Variants in PLA2R1 observed in about 807,000 individuals in gnomAD.
PLA2R1 encodes secretory phospholipase A2 receptor.
In PLA2R1, 158 loss-of-function variants were observed where a neutral mutation model predicts 195.9. That is an observed-to-expected ratio of 0.81 (90% CI 0.71 to 0.92). The LOEUF is 0.92. PLA2R1 is among the 40% of genes least tolerant of loss of function. The pLI, the probability that PLA2R1 is intolerant of heterozygous loss-of-function variation, is 0.00. For missense variants in PLA2R1, 1,626 were observed against 1,764.6 expected, an observed-to-expected ratio of 0.92 and a Z score of 1.41; for synonymous variants, 586 against 598.2, an observed-to-expected ratio of 0.98 and a Z score of 0.30.
At chr2:159,948,148 C>T (rs891886306) in intron 25 of PLA2R1, among the ~76,000 whole-genome samples, 7 of 152,164 alleles carry the variant, frequency 4.6e-5, no homozygotes, top group African/African-American at 1.2e-4. Context: ...TTACTAGCTG[C>T]GTGACCATGG....
chr2:160,019,479 T>C (rs115073910), intron 8 of PLA2R1, among the ~76,000 whole-genome samples: 2,300 of 152,336 alleles, frequency 0.015, 64 homozygotes, highest in African/African-American at 0.052. Flanking sequence ...TCACAGTCAC[T>C]ACCCTAAGTC....
chr2:159,982,433 C>A (rs1289989435), intron 13 of PLA2R1, among the ~76,000 whole-genome samples: 4 of 152,200 alleles, frequency 2.6e-5, no homozygotes, highest in Non-Finnish European at 5.9e-5. Flanking sequence ...CCCGTAGGGA[C>A]TAGCAGTTCT....
chr2:159,977,054 A>G (rs984586787), intron 15 of PLA2R1, among the ~76,000 whole-genome samples: 6 of 152,252 alleles, frequency 3.9e-5, no homozygotes, highest in Admixed American at 1.3e-4. Context: ...TACTTGCACT[A>G]TAAATATTCT....
At chr2:160,043,827 C>A (rs1301089794) in intron 2 of PLA2R1, among the ~76,000 whole-genome samples, 2 of 152,164 alleles carry the variant, frequency 1.3e-5, no homozygotes, top group East Asian at 1.9e-4. Context: ...TCTTTTTAAT[C>A]ATTTCTTCTT....
intron 11 of PLA2R1, among the ~76,000 whole-genome samples, chr2:159,997,791 G>C (rs1479261448): frequency 6.6e-6 from 1 of 152,036 alleles, no homozygotes. Flanking sequence ...GGCAGCAGTG[G>C]TTTGCCTTGC....
At position 160,022,869 on chromosome 2, in the gene PLA2R1, C is replaced by A. The variant is rs1454142074; in HGVS notation, c.1100-10G>T. On this transcript the variant is annotated splice_polypyrimidine_tract_variant and intron_variant, in intron 6 of 29. Coordinates refer to ENST00000283243, the MANE Select transcript of PLA2R1 (RefSeq NM_007366.5). ...TTCCACGCATCTTTTTCTTTTTAAA[C>A]CAACAAAAAACAATGTCATTTTCCA... 3 of 1,553,324 alleles carry A rather than the reference C, an allele frequency of 1.9e-6. No homozygotes were observed. Among genetic ancestry groups the A allele is most frequent in the African/African-American group, 1.4e-5 (1 of 72,658 alleles).
chr2:159,976,565 T>C lies in PLA2R1; in HGVS notation c.2437+120A>G, dbSNP rs1263349728. 3 of 690,568 alleles carry C rather than the reference T, an allele frequency of 4.3e-6. No individual in the cohort carries two copies. The East Asian group carries it at 8.1e-5, about 19-fold the overall frequency. The allele number at this position is 690,568 out of a possible 1,614,324, so 42.8% of individuals were successfully genotyped here. On this transcript the variant is annotated intron_variant, in intron 16 of 29. Transcript: ENST00000283243. ...TAATTTGAACAAATTAGCTCTAGGT[T>C]GACACAAGAAAAGAGAGGCTCGATT...
Position 160,033,825 on chromosome 2 carries a change from T to A in PLA2R1, c.668-693A>T, listed in dbSNP as rs1694003067. On this transcript the variant is annotated intron_variant, in intron 3 of 29. Transcript: ENST00000283243. ...TGAGTTTGGGTGCTTTTGCTAACATTTAAAATCAAACTCCAAGGTGAACTA... is the reference window on the plus strand; with the variant it reads ...TGAGTTTGGGTGCTTTTGCTAACATATAAAATCAAACTCCAAGGTGAACTA... Among the ~76,000 whole-genome samples the A allele has an allele frequency of 1.3e-5, 2 of 152,130 alleles. 1 individual carries two copies. The highest frequency in any genetic ancestry group is 4.1e-4 in the South Asian group (2 of 4,824).
chr2:159,947,756 T>A (rs1417018926), intron 25 of PLA2R1, among the ~76,000 whole-genome samples, 197 bp from the exon 26 acceptor site: 4 of 152,234 alleles, frequency 2.6e-5, no homozygotes, highest in Non-Finnish European at 5.9e-5. Flanking sequence ...AGAAATAATC[T>A]TTACCTAAAC....
intron 7 of PLA2R1, among the ~76,000 whole-genome samples, chr2:160,022,240 C>T (rs945307267): frequency 2.0e-5 from 3 of 152,070 alleles, no homozygotes; most frequent in Non-Finnish European, 4.4e-5. Flanking sequence ...CTGAACATCA[C>T]CTCACCAAAT....
At chr2:160,051,596 C>A (rs965845732) in intron 1 of PLA2R1, among the ~76,000 whole-genome samples, 3 of 152,212 alleles carry the variant, frequency 2.0e-5, no homozygotes, top group Non-Finnish European at 4.4e-5. Flanking sequence ...TCTGTTCCAT[C>A]TAGTGAACAA....
intron 19 of PLA2R1, among the ~76,000 whole-genome samples, chr2:159,968,762 T>C (rs1688949037): frequency 6.6e-6 from 1 of 152,284 alleles, no homozygotes; most frequent in South Asian, 2.1e-4. Context: ...TAAATCCAAC[T>C]TGCAAACAGT....
At chr2:159,924,810 C>G in the PLA2R1 span, among the ~76,000 whole-genome samples, 1 of 151,010 alleles carries the variant, frequency 6.6e-6, no homozygotes, top group Non-Finnish European at 1.5e-5. Flanking sequence ...GTTCTTTTTT[C>G]GCTCCCAGGA....
At chr2:159,925,919 GTC>G in the PLA2R1 span, among the ~76,000 whole-genome samples, 2 of 152,142 alleles carry the variant, frequency 1.3e-5, no homozygotes, top group Admixed American at 1.3e-4. Flanking sequence ...CAAAATGCCC[GTC>G]TCTGTTTTGT....
Position 159,939,813 on chromosome 2 carries a change from A to G in PLA2R1, c.*1965T>C, listed in dbSNP as rs2125911973. Reference sequence around the variant, plus strand: ...AGTTTTTACCAAGTCCATTGAAAAGAACAGAACTTTAATTCCACTCAAAAG... The same window carrying G: ...AGTTTTTACCAAGTCCATTGAAAAGGACAGAACTTTAATTCCACTCAAAAG... On this transcript the variant is annotated 3_prime_UTR_variant, in exon 30 of 30. Transcript: ENST00000283243. 6.6e-6 allele frequency: 1 copy of G among 152,346 alleles called. No homozygotes were observed. The highest frequency in any genetic ancestry group is 2.1e-4 in the South Asian group (1 of 4,830). 9.4% of individuals were successfully genotyped at this position (152,346 alleles called of 1,614,324 possible).
chr2:159,995,858 T>C (rs1162299732), intron 11 of PLA2R1, among the ~76,000 whole-genome samples: 1 of 152,032 alleles, frequency 6.6e-6, no homozygotes, highest in African/African-American at 2.4e-5. Flanking sequence ...ACTATAGACA[T>C]CCTACACCAC....
chr2:159,945,084 T>G lies in PLA2R1; in HGVS notation c.3968-2A>C, dbSNP rs751526442. ...CATCAAACCACTTTATGGTTTCATC[T>G]GTGAGAAAATTGCTGACTCATTATG... On this transcript the variant is annotated splice_acceptor_variant, in intron 27 of 29. Coordinates refer to ENST00000283243, the MANE Select transcript of PLA2R1 (RefSeq NM_007366.5). LOFTEE classifies it high-confidence loss of function. The G allele has an allele frequency of 1.4e-5, 22 of 1,601,856 alleles. No individual in the cohort carries two copies. The highest frequency in any genetic ancestry group is 1.9e-5 in the Non-Finnish European group (22 of 1,172,434).
chr2:160,016,121 A>G (rs979189700), intron 9 of PLA2R1, among the ~76,000 whole-genome samples: 1 of 152,068 alleles, frequency 6.6e-6, no homozygotes, highest in Non-Finnish European at 1.5e-5. Flanking sequence ...AAAATTAGCC[A>G]GGCGTAGTGG....
In PLA2R1 at chr2:160,028,905, G is replaced by A. The variant is rs756583602; in HGVS notation, c.900C>T (p.His300=). The change falls in exon 5 of 30, where the codon CAC becomes CAT. Residue 300 remains histidine, a synonymous_variant. Coordinates refer to ENST00000283243, the MANE Select transcript of PLA2R1 (RefSeq NM_007366.5). ...VWMGLNQLDE[H]AGWQWSDGTP... Reference sequence around the variant, plus strand: ...TTCCATCAGACCACTGCCAGCCAGCGTGTTCATCCAGCTGATTGAGGCCCA... The same window carrying A: ...TTCCATCAGACCACTGCCAGCCAGCATGTTCATCCAGCTGATTGAGGCCCA... 10 of 1,612,624 alleles carry A rather than the reference G, an allele frequency of 6.2e-6. No individual in the cohort carries two copies. Among genetic ancestry groups the A allele is most frequent in the South Asian group, 3.3e-5 (3 of 91,070 alleles).
Sources: allele counts gnomAD v4.1 joint callset (sites outside exome capture counted in the v4.1 genomes callset), GRCh38; gene constraint gnomAD v4.1.1; transcripts MANE v1.5; gene names NCBI Gene and HGNC (gene_info 2026-07-23, HGNC 2026-07-21).